The following SNED1 variants were observed in gnomAD, a reference collection of about 807,000 sequenced individuals.
SNED1 encodes sushi, nidogen and EGF-like domain-containing protein 1.
A neutral mutation model predicts 166.7 loss-of-function variants in SNED1; 81 were observed. The ratio of observed to expected loss-of-function variants is 0.49; its 90% CI spans 0.41 to 0.58. The LOEUF is 0.58. Among genes scored for constraint, SNED1 ranks in the 20% least tolerant of loss-of-function variants. The pLI is 0.00. For synonymous variants in SNED1, 762 were observed against 822.0 expected, an observed-to-expected ratio of 0.93 and a Z score of 1.25; for missense variants, 1,604 against 2,000.2, an observed-to-expected ratio of 0.80 and a Z score of 3.78.
chr2:241,065,739 G>A, intron 21 of SNED1, 144 bp downstream of exon 21: 1 of 733,330 alleles, frequency 1.4e-6, no homozygotes, highest in East Asian at 2.7e-5. Flanking sequence ...CTGGGGGTTG[G>A]AGGCACCGCC....
rs79500020 is a variant in SNED1 at position 241,094,545 on chromosome 2, C to T, written c.*2909C>T. Reference sequence around the variant, plus strand: ...GGGGAAAGGAACCCGGCTGAAAAACCAGCTCCTTATTTTTCTTTTAAATAA... The same window carrying T: ...GGGGAAAGGAACCCGGCTGAAAAACTAGCTCCTTATTTTTCTTTTAAATAA... On this transcript the variant is annotated 3_prime_UTR_variant, in exon 32 of 32. Transcript: ENST00000310397. This position sits in a 1 kb window ranked among gnomAD's most constrained non-coding sequence, Gnocchi z 4.3. 0.026 allele frequency: 9,645 copies of T among 369,312 alleles called. 738 individuals are homozygous for T. Among genetic ancestry groups the T allele is most frequent in the East Asian group, 0.23 (3,056 of 13,252 alleles). The allele number at this position is 369,312 out of a possible 1,614,324, so 22.9% of individuals were successfully genotyped here. A position where few individuals can be genotyped will look rare whatever the true frequency, so the allele number is the denominator to read the frequency against.
At chr2:241,007,351 A>G (rs2060248742) in intron 1 of SNED1, among the ~76,000 whole-genome samples, 1 of 152,214 alleles carries the variant, frequency 6.6e-6, no homozygotes, top group South Asian at 2.1e-4. Context: ...GCATTCATTC[A>G]CTGTTGACTT....
intron 1 of SNED1, among the ~76,000 whole-genome samples, chr2:241,001,570 C>T (rs947055874): frequency 2.0e-5 from 3 of 152,322 alleles, no homozygotes; most frequent in African/African-American, 7.2e-5. Context: ...AGGAGTGTGG[C>T]GTGCTGAGGA....
chr2:241,052,665 G>A (rs28482442), intron 15 of SNED1, among the ~76,000 whole-genome samples, 197 bp downstream of exon 15: 883 of 67,612 alleles, frequency 0.013, 41 homozygotes, highest in East Asian at 0.064. Context: ...ATGGGACACC[G>A]GTGCCAGGCA....
At chr2:241,067,156 C>T (rs954090431) in intron 21 of SNED1, among the ~76,000 whole-genome samples, 2 of 152,192 alleles carry the variant, frequency 1.3e-5, no homozygotes, top group African/African-American at 2.4e-5. Flanking sequence ...TCCAGCCAGC[C>T]ATGGTGGGTG....
At position 241,051,810 on chromosome 2, in the gene SNED1, A is replaced by G. The variant is rs778267725; in HGVS notation, c.1802A>G (p.Glu601Gly). The change falls in exon 13 of 32, where the codon GAG becomes GGG. Residue 601 changes from glutamate to glycine, a missense_variant. Glu to Gly is a moderately conservative substitution (Grantham distance 98). Coordinates refer to ENST00000310397, the MANE Select transcript of SNED1 (RefSeq NM_001080437.3). The surrounding 1 kb of genome is among the most constrained non-coding windows in gnomAD (Gnocchi z 4.7). ...GGCACGTGCAAGGAGGCGGGCGGCG[A>G]GTACCACTGCAGCTGCCCCTACCGC... The part of the protein sequence containing the change: ...NGGTCKEAGG[E>G]YHCSCPYRFT... 2 of 1,562,716 alleles carry G rather than the reference A, an allele frequency of 1.3e-6. No homozygotes were observed. The highest frequency in any genetic ancestry group is 2.7e-5 in the African/African-American group (2 of 73,934).
In SNED1 at chr2:241,073,215, T is replaced by A. The variant is rs375432244; in HGVS notation, c.3818-51T>A. On this transcript the variant is annotated intron_variant, in intron 26 of 31. Transcript: ENST00000310397. The surrounding 1 kb of genome is among the most constrained non-coding windows in gnomAD (Gnocchi z 6.6). ...ACTCAAAAGGGTGGCCCCAGGACCA[T>A]CCCGGGTGCAAAGCAGCTGCGCCGT... 102 of 1,385,824 alleles carry A rather than the reference T, an allele frequency of 7.4e-5. No homozygotes were observed. In the African/African-American group the frequency reaches 1.0e-3, roughly 14 times the overall value. The allele number at this position is 1,385,824 out of a possible 1,614,324, so 85.8% of individuals were successfully genotyped here.
intron 3 of SNED1, 77 bp downstream of exon 3, chr2:241,033,952 A>G (rs1040660249): frequency 6.7e-7 from 1 of 1,489,682 alleles, no homozygotes; most frequent in Non-Finnish European, 9.0e-7. Flanking sequence ...CTGATGAGGT[A>G]GGCAGGGGCT....
chr2:241,047,941 C>T (rs978697188), intron 8 of SNED1, among the ~76,000 whole-genome samples: 3 of 151,132 alleles, frequency 2.0e-5, no homozygotes, highest in Non-Finnish European at 4.4e-5. Context: ...TGGGTGGTCT[C>T]TCTGGTGCTT....
chr2:241,008,539 C>T (rs964380214), intron 1 of SNED1, among the ~76,000 whole-genome samples: 12 of 152,194 alleles, frequency 7.9e-5, no homozygotes, highest in East Asian at 5.8e-4. Context: ...CTGGAAGGGT[C>T]GGGGCCTGGT....
intron 1 of SNED1, among the ~76,000 whole-genome samples, chr2:241,024,466 C>G (rs1344004110): frequency 6.6e-6 from 1 of 150,684 alleles, no homozygotes; most frequent in African/African-American, 2.4e-5. Flanking sequence ...CCAGGCTGGT[C>G]TTGAACTCCT....
At chr2:241,032,524 C>G (rs554154761) in intron 2 of SNED1, among the ~76,000 whole-genome samples, 1 of 151,944 alleles carries the variant, frequency 6.6e-6, no homozygotes. Context: ...TTAGGAGACA[C>G]ACCTAATGTA....
chr2:241,031,635 C>T (rs1350432345), intron 2 of SNED1, among the ~76,000 whole-genome samples: 1 of 152,222 alleles, frequency 6.6e-6, no homozygotes, highest in African/African-American at 2.4e-5. Context: ...CATGCATCTC[C>T]TCATTGCGCC....
chr2:241,022,139 G>C (rs1455267634), intron 1 of SNED1, among the ~76,000 whole-genome samples: 1 of 152,106 alleles, frequency 6.6e-6, no homozygotes, highest in African/African-American at 2.4e-5. Flanking sequence ...TCCCTTATCT[G>C]ATTATGATTT....
At chr2:241,088,647 G>T in intron 31 of SNED1, 1 of 537,116 alleles carries the variant, frequency 1.9e-6, no homozygotes, top group South Asian at 2.6e-5. Context: ...GGCTCTCTGT[G>T]GATAGGGCAA....
At chr2:241,023,887 C>CTTTTTTTTTTTTTTTTTTTTTTTTTT (rs2060846825) in intron 1 of SNED1, among the ~76,000 whole-genome samples, 1 of 71,658 alleles carries the variant, frequency 1.4e-5, no homozygotes, top group Non-Finnish European at 2.5e-5. Context: ...CTTTTTTTTT[C>CTTTTTTTTTTTTTTTTTTTTTTTTTT]CTTTTTTTTT....
intron 29 of SNED1, among the ~76,000 whole-genome samples, chr2:241,086,212 C>T (rs1309615313): frequency 2.6e-5 from 4 of 152,204 alleles, no homozygotes; most frequent in Admixed American, 2.6e-4. Context: ...GATCTCTCTA[C>T]TCTGGCTCTG....
At chr2:241,047,236 T>G (rs1336605476) in intron 8 of SNED1, among the ~76,000 whole-genome samples, 1 of 151,788 alleles carries the variant, frequency 6.6e-6, no homozygotes, top group African/African-American at 2.4e-5. Context: ...AATTAAACTT[T>G]AGAATGGGGA....
chr2:241,081,768 G>A lies in SNED1; in HGVS notation c.4008G>A (p.Gly1336=), dbSNP rs201278542. ...ADAHSCDCGP[G]FKGRRCELAC... is the part of the protein sequence containing the mutation. Reference sequence around the variant, plus strand: ...CCCACAGCTGTGACTGCGGGCCAGGGTTCAAAGGCAGACGCTGCGAGCTCG... The same window carrying A: ...CCCACAGCTGTGACTGCGGGCCAGGATTCAAAGGCAGACGCTGCGAGCTCG... Residue 1336 remains glycine, a synonymous_variant, in exon 28 of 32, where the codon GGG becomes GGA. Transcript: ENST00000310397. The A allele has an allele frequency of 1.7e-4, 272 of 1,599,276 alleles. No individual in the cohort carries two copies. The highest frequency in any genetic ancestry group is 2.2e-4 in the Non-Finnish European group (261 of 1,172,984).
Sources: gnomAD v4.1 joint callset for allele counts (sites outside exome capture counted in the v4.1 genomes callset) on GRCh38, gnomAD v4.1.1 for gene constraint, Gnocchi (gnomAD v3.1) non-coding constraint, MANE v1.5 for transcripts, NCBI Gene and HGNC (gene_info 2026-07-23, HGNC 2026-07-21) for gene names.